Variants in PTPRS observed in about 807,000 individuals in gnomAD.
The protein encoded by PTPRS is protein tyrosine phosphatase receptor type S, also known as receptor-type tyrosine-protein phosphatase S.
A neutral mutation model predicts 215.3 loss-of-function variants in PTPRS; 63 were observed. The observed-to-expected ratio is 0.29, with a 90% CI of 0.24 to 0.36. PTPRS has a LOEUF of 0.36. Ranked by LOEUF, PTPRS falls within the 10% of genes least tolerant of loss-of-function variation. The pLI, the probability that PTPRS is intolerant of heterozygous loss-of-function variation, is 1.00. For synonymous variants in PTPRS, 1,404 were observed against 1,191.4 expected (o/e 1.18, Z -3.68); for missense variants, 2,258 against 2,825.8 (o/e 0.80, Z 4.56).
chr19:5,273,686 C>A, intron 3 of PTPRS, 103 bp from the exon 4 acceptor site: 1 of 1,399,300 alleles, frequency 7.1e-7, no homozygotes, highest in Non-Finnish European at 9.8e-7. Context: ...GCAGTCAGCC[C>A]CATGATCCTG....
chr19:5,210,937 G>A lies in PTPRS; in HGVS notation c.5235-132C>T. ...ACCACCCCACTGCCTGCCAGGAATG[G>A]CTGCTGGGTGCACCACTTCCCCTCC... On this transcript the variant is annotated intron_variant, in intron 33 of 37. Transcript: ENST00000262963. The surrounding 1 kb of genome is among the most constrained non-coding windows in gnomAD (Gnocchi z 4.5). 1 of 1,243,012 alleles carries A rather than the reference G, an allele frequency of 8.0e-7. No homozygotes were observed. The highest frequency in any genetic ancestry group is 1.5e-5 in the South Asian group (1 of 65,066). 77.0% of individuals were successfully genotyped at this position (1,243,012 alleles called of 1,614,324 possible). A position where few individuals can be genotyped will look rare whatever the true frequency, so the allele number is the denominator to read the frequency against.
chr19:5,235,978 C>G (rs1024901180), intron 13 of PTPRS, among the ~76,000 whole-genome samples: 1 of 152,146 alleles, frequency 6.6e-6, no homozygotes, highest in African/African-American at 2.4e-5. Context: ...CACCCTCAGC[C>G]CATGTTTCAT....
rs771972722 is a variant in PTPRS at position 5,238,935 on chromosome 19, C to T, written c.1833G>A (p.Gln611=). The change falls in exon 13 of 38, where the codon CAG becomes CAA. Residue 611 remains glutamine, a synonymous_variant. Coordinates refer to ENST00000262963, the MANE Select transcript of PTPRS (RefSeq NM_002850.4). ...GACACCTACTGGACTGCAGCGTGCG[C>T]TGCCGCACCACGGGGGTGAAGGCGC... ...GLGAFTPVVR[Q]RTLQSKPSAP... 5 of 1,608,840 alleles carry T rather than the reference C, an allele frequency of 3.1e-6. No homozygotes were observed. The highest frequency in any genetic ancestry group is 2.5e-6 in the Non-Finnish European group (3 of 1,177,882).
chr19:5,273,226 A>G (rs1296251959), intron 4 of PTPRS: 4 of 604,402 alleles, frequency 6.6e-6, no homozygotes, highest in Non-Finnish European at 1.2e-5. Flanking sequence ...GGATGATTCT[A>G]GTCTCTCAAT....
intron 13 of PTPRS, 150 bp from the exon 14 acceptor site, chr19:5,231,765 AAAG>A: frequency 1.9e-6 from 1 of 538,918 alleles, no homozygotes; most frequent in Non-Finnish European, 3.4e-6. Context: ...GTCGAACCCA[AAAG>A]AAGTGGGTGT....
At position 5,312,597 on chromosome 19, in the gene PTPRS, G is replaced by A. The variant is rs1428240659; in HGVS notation, c.-94-26363C>T. 2.6e-5 allele frequency among the ~76,000 whole-genome samples: 4 copies of A among 152,308 alleles called. No homozygotes were observed. The East Asian group carries it at 7.7e-4, about 29-fold the overall frequency. ...GACTGCTTGAGCCTAGGAGATGGAGGCGGCAGTGAGCTATGATCACACCAC... is the reference window on the plus strand; with the variant it reads ...GACTGCTTGAGCCTAGGAGATGGAGACGGCAGTGAGCTATGATCACACCAC... On this transcript the variant is annotated intron_variant, in intron 1 of 37. Transcript: ENST00000262963.
intron 1 of PTPRS, among the ~76,000 whole-genome samples, chr19:5,312,310 T>C (rs1037829448): frequency 2.0e-5 from 3 of 152,022 alleles, no homozygotes; most frequent in East Asian, 1.9e-4. Flanking sequence ...ACAGCGGGCA[T>C]AGGATGTGTG....
In PTPRS at chr19:5,217,329, C is replaced by T. The variant is rs117004195; in HGVS notation, c.4049-562G>A. Among the ~76,000 whole-genome samples, 21 of 152,272 alleles carry T rather than the reference C, an allele frequency of 1.4e-4. No homozygotes were observed. The East Asian group carries it at 2.1e-3, about 15-fold the overall frequency. ...CATGATCCCTTCAGGAGACTGCAGC[C>T]GTCAGTTACATGCACATTTAAAATT... On this transcript the variant is annotated intron_variant, in intron 25 of 37. Transcript: ENST00000262963.
intron 25 of PTPRS, 80 bp from the exon 26 acceptor site, chr19:5,216,847 C>G (rs2041517677): frequency 1.1e-6 from 1 of 944,158 alleles, no homozygotes. Flanking sequence ...CCACCCCTCA[C>G]TGGCTGGCGG....
At chr19:5,322,235 T>A (rs574525014) in intron 1 of PTPRS, among the ~76,000 whole-genome samples, 43 of 152,212 alleles carry the variant, frequency 2.8e-4, no homozygotes, top group Non-Finnish European at 5.4e-4. Context: ...CTTGCTGGAG[T>A]ATCCACAGTG....
intron 5 of PTPRS, among the ~76,000 whole-genome samples, chr19:5,264,670 C>A (rs2046273248): frequency 6.6e-6 from 1 of 152,186 alleles, no homozygotes; most frequent in East Asian, 1.9e-4. Context: ...ATCTCACTGC[C>A]TGAGCATGGG....
At chr19:5,267,681 A>C (rs1438486884) in intron 4 of PTPRS, among the ~76,000 whole-genome samples, 1 of 150,904 alleles carries the variant, frequency 6.6e-6, no homozygotes, top group East Asian at 2.0e-4. Flanking sequence ...GAGATTAGGA[A>C]ACAGCCACGT....
At chr19:5,246,884 TGAGAGA>T (rs35986633) in intron 9 of PTPRS, among the ~76,000 whole-genome samples, 7 of 146,956 alleles carry the variant, frequency 4.8e-5, no homozygotes, top group South Asian at 2.2e-4. Context: ...CAAAATAGAT[TGAGAGA>T]GAGAGAGAGA....
rs558797707 is a variant in PTPRS, at chr19:5,216,583, G to A, written c.4096+137C>T. On this transcript the variant is annotated intron_variant, in intron 26 of 37. Transcript: ENST00000262963. ...ACCAACCCCCTGCCCTCTTCCAGGAGCCAGCACAAGACAGGTGGGCAAAGG... is the reference window on the plus strand; with the variant it reads ...ACCAACCCCCTGCCCTCTTCCAGGAACCAGCACAAGACAGGTGGGCAAAGG... 329 of 747,532 alleles carry A rather than the reference G, an allele frequency of 4.4e-4. 4 individuals are homozygous for A. In the South Asian group the frequency reaches 5.5e-3, roughly 13 times the overall value. The allele number at this position is 747,532 out of a possible 1,614,324, so 46.3% of individuals were successfully genotyped here. A position where few individuals can be genotyped will look rare whatever the true frequency, so the allele number is the denominator to read the frequency against.
chr19:5,287,584 C>G lies in PTPRS; in HGVS notation c.-94-1350G>C, dbSNP rs538794414. Among the ~76,000 whole-genome samples the G allele has an allele frequency of 6.6e-6, 1 of 152,120 alleles. No homozygotes were observed. The highest frequency in any genetic ancestry group is 1.5e-5 in the Non-Finnish European group (1 of 68,024). ...CACCCATGCCAGCCCATGCCCTGGG[C>G]GGGTCCAGGCCGTGACCACAGGAAC... On this transcript the variant is annotated intron_variant, in intron 1 of 37. Transcript: ENST00000262963. This position sits in a 1 kb window ranked among gnomAD's most constrained non-coding sequence, Gnocchi z 4.8.
chr19:5,234,654 T>C (rs1372831461), intron 13 of PTPRS, among the ~76,000 whole-genome samples: 1 of 151,946 alleles, frequency 6.6e-6, no homozygotes, highest in Non-Finnish European at 1.5e-5. Flanking sequence ...AAAACAGTAG[T>C]AGTCCCTGCA....
At chr19:5,230,130 C>T (rs2042895931) in intron 14 of PTPRS, among the ~76,000 whole-genome samples, 1 of 152,144 alleles carries the variant, frequency 6.6e-6, no homozygotes, top group African/African-American at 2.4e-5. Context: ...TCCTAAATAC[C>T]CAAGCAGGCA....
In PTPRS at chr19:5,212,471, G is replaced by A. The variant is rs2230611; in HGVS notation, c.4635C>T (p.Arg1545=). The A allele has an allele frequency of 0.12, 188,456 of 1,593,162 alleles. 12,169 individuals carry two copies. The highest frequency in any genetic ancestry group is 0.26 in the Admixed American group (14,888 of 56,852). Residue 1545 remains arginine (R), a synonymous_variant, in exon 31 of 38, where the codon CGC becomes CGT. Coordinates refer to ENST00000262963, the MANE Select transcript of PTPRS (RefSeq NM_002850.4). The part of the protein sequence containing the change: ...SLHKNGSSEK[R]EVRQFQFTAW... ...CCGTAAACTGGAACTGGCGGACCTCGCGTTTCTCACTGGAGCCATTCTGGG... is the reference window on the plus strand; with the variant it reads ...CCGTAAACTGGAACTGGCGGACCTCACGTTTCTCACTGGAGCCATTCTGGG...
At position 5,206,476 on chromosome 19, in the gene PTPRS, C is replaced by T; in HGVS notation, c.*298G>A. On this transcript the variant is annotated 3_prime_UTR_variant, in exon 38 of 38. Coordinates refer to ENST00000262963, the MANE Select transcript of PTPRS (RefSeq NM_002850.4). ...CCTCCTCTGGTTCTGGGGAGCACTC[C>T]TATTTGCTCACCATCCCCCCACCCC... 1 of 424,090 alleles carries T rather than the reference C, an allele frequency of 2.4e-6. No individual in the cohort carries two copies. The highest frequency in any genetic ancestry group is 2.3e-5 in the South Asian group (1 of 43,716). The allele number at this position is 424,090 out of a possible 1,614,324, so 26.3% of individuals were successfully genotyped here.
Sources: gnomAD v4.1 joint callset for allele counts (sites outside exome capture counted in the v4.1 genomes callset) on GRCh38, gnomAD v4.1.1 for gene constraint, Gnocchi (gnomAD v3.1) non-coding constraint, MANE v1.5 for transcripts, NCBI Gene and HGNC (gene_info 2026-07-23, HGNC 2026-07-21) for gene names.